Variants in POLE observed in about 807,000 individuals in gnomAD.
POLE encodes DNA polymerase epsilon, catalytic subunit, also known as DNA polymerase epsilon catalytic subunit A.
In POLE, 188 loss-of-function variants were observed where a neutral mutation model predicts 279.2. That is an observed-to-expected ratio of 0.67 (90% CI 0.60 to 0.76). The LOEUF (loss-of-function observed/expected upper bound fraction) is 0.76, where lower values mean the gene tolerates loss of function less well. Ranked by LOEUF, POLE falls within the 30% of genes least tolerant of loss-of-function variation. The pLI, the probability that POLE is intolerant of heterozygous loss-of-function variation, is 0.00. For missense variants in POLE, 2,703 were observed against 3,016.7 expected, an observed-to-expected ratio of 0.90 and a Z score of 2.44; for synonymous variants, 1,214 against 1,172.5, an observed-to-expected ratio of 1.04 and a Z score of -0.72.
At position 132,665,407 on chromosome 12, in the gene POLE, G is replaced by A. The variant is rs1060500813; in HGVS notation, c.2363C>T (p.Ala788Val). ...KLSAAVEVGD[A>V]AEVKRCKNME... ...GTTCTTGCAGCGCTTCACCTCAGCC[G>A]CGTCGCCCACCTCCACGGCCGCCGA... The change falls in exon 21 of 49, where the codon GCG (alanine) becomes GTG (valine). Residue 788 changes from alanine (A) to valine (V), a missense_variant. By Grantham distance (64) the Ala-to-Val change is moderately conservative. Around this residue, in one of 5 missense-constraint regions of POLE, gnomAD observed 1,011 missense variants for 1,111.7 expected, o/e 0.91. Transcript: ENST00000320574. 12 of 1,613,254 alleles carry A rather than the reference G, an allele frequency of 7.4e-6. No individual in the cohort carries two copies. Among genetic ancestry groups the A allele is most frequent in the East Asian group, 6.7e-5 (3 of 44,876 alleles).
At chr12:132,680,398 GA>G in intron 3 of POLE, 176 bp from the exon 4 acceptor site, 2 of 678,720 alleles carry the variant, frequency 2.9e-6, no homozygotes, top group Non-Finnish European at 5.2e-6. Context: ...GAATCTGAAA[GA>G]CACGCTACTT....
At position 132,675,682 on chromosome 12, in the gene POLE, C is replaced by G; in HGVS notation, c.1106+53G>C. 1 of 1,570,872 alleles carries G rather than the reference C, an allele frequency of 6.4e-7. No individual in the cohort carries two copies. The highest frequency in any genetic ancestry group is 8.8e-7 in the Non-Finnish European group (1 of 1,141,394). ...TGGGAAGCGCCCCTGCACCACGCAA[C>G]GCCCTCCCTCTCAAATGCTGCCCAG... On this transcript the variant is annotated intron_variant, in intron 11 of 48. Transcript: ENST00000320574. The surrounding 1 kb of genome is among the most constrained non-coding windows in gnomAD (Gnocchi z 4.3).
chr12:132,664,542 G>A lies in POLE; in HGVS notation c.2469-80C>T. 1 of 1,029,482 alleles carries A rather than the reference G, an allele frequency of 9.7e-7. No homozygotes were observed. Among genetic ancestry groups the A allele is most frequent in the Non-Finnish European group, 1.5e-6 (1 of 662,510 alleles). The allele number at this position is 1,029,482 out of a possible 1,614,324, so 63.8% of individuals were successfully genotyped here. ...ATCAGAGGCAGTGAGGAGTAGGGAG[G>A]AGGAAAGGAGAGATGCGACAGGGAC... On this transcript the variant is annotated intron_variant, in intron 21 of 48. Transcript: ENST00000320574. The surrounding 1 kb of genome is among the most constrained non-coding windows in gnomAD (Gnocchi z 5.3).
intron 32 of POLE, among the ~76,000 whole-genome samples, chr12:132,646,657 CCCCATCTCTACTAAAAAATACAAAATTAG>C (rs2138581560): frequency 6.6e-6 from 1 of 152,036 alleles, no homozygotes; most frequent in East Asian, 1.9e-4. Flanking sequence ...CACAGAGAAA[CCCCATCTCTACTAAAAAATACAAAATTAG>C]CCGGGCGTGG....
At chr12:132,648,663 C>G (rs993421161) in intron 32 of POLE, 36 of 388,524 alleles carry the variant, frequency 9.3e-5, no homozygotes, top group African/African-American at 7.1e-4. Context: ...AGTTCACAAT[C>G]TCTAACCAAT....
At chr12:132,628,053 C>G (rs1029398427) in intron 45 of POLE, among the ~76,000 whole-genome samples, 1 of 152,208 alleles carries the variant, frequency 6.6e-6, no homozygotes, top group Non-Finnish European at 1.5e-5. Context: ...TCTCAAGAAA[C>G]TACTTTTTGG....
Position 132,675,353 on chromosome 12 carries a change from GC to G in POLE, c.1226+44del, listed in dbSNP as rs760814175. 3.7e-6 allele frequency: 6 copies of G among 1,600,456 alleles called. No individual in the cohort carries two copies. In the African/African-American group the frequency reaches 8.0e-5, roughly 21 times the overall value. On this transcript the variant is annotated intron_variant, in intron 12 of 48. Transcript: ENST00000320574. This position sits in a 1 kb window ranked among gnomAD's most constrained non-coding sequence, Gnocchi z 4.3. ...AGTCTGCAAGAGGCCTTCAGATCTC[GC>G]TCACGGACAGCAGTGAGGAGCCATG...
chr12:132,635,444 ACCCACACAGAAGCTCCCATC>A (rs1043753471), intron 42 of POLE, among the ~76,000 whole-genome samples: 1 of 152,030 alleles, frequency 6.6e-6, no homozygotes, highest in Admixed American at 6.6e-5. Context: ...CTCCAACATC[ACCCACACAGAAGCTCCCATC>A]CCCACGAAAG....
intron 1 of POLE, among the ~76,000 whole-genome samples, chr12:132,684,966 G>A (rs373234744): frequency 2.1e-4 from 8 of 38,894 alleles, no homozygotes; most frequent in East Asian, 6.1e-4. Flanking sequence ...ACTGGTTACT[G>A]TATCACACCG....
intron 4 of POLE, 54 bp from the exon 5 acceptor site, chr12:132,680,100 T>C: frequency 2.5e-6 from 4 of 1,594,356 alleles, no homozygotes; most frequent in Non-Finnish European, 3.4e-6. Context: ...ATTTCCTTCC[T>C]TGCCTATTTC....
In POLE at chr12:132,649,518, G is replaced by T; in HGVS notation, c.3796-3C>A. ...CGGAGCCAGACAAGCCATTCCTCCTGGGATGGATGGTGAGCACAGCCAGTG... is the reference window on the plus strand; with the variant it reads ...CGGAGCCAGACAAGCCATTCCTCCTTGGATGGATGGTGAGCACAGCCAGTG... On this transcript the variant is annotated splice_polypyrimidine_tract_variant and splice_region_variant and intron_variant, in intron 30 of 48. Coordinates refer to ENST00000320574, the MANE Select transcript of POLE (RefSeq NM_006231.4). 3 of 1,612,272 alleles carry T rather than the reference G, an allele frequency of 1.9e-6. 1 individual carries two copies. The highest frequency in any genetic ancestry group is 2.5e-6 in the Non-Finnish European group (3 of 1,179,776).
intron 29 of POLE, among the ~76,000 whole-genome samples, chr12:132,656,608 T>C (rs1593764654): frequency 1.3e-5 from 2 of 152,326 alleles, no homozygotes; most frequent in East Asian, 3.9e-4. Context: ...TCTGCCCACC[T>C]AGGCCTCCCA....
At chr12:132,659,158 C>CCCCTTACCTCTCCGTGACAGGGCAG in intron 26 of POLE, 137 bp downstream of exon 26, 1 of 846,218 alleles carries the variant, frequency 1.2e-6, no homozygotes, top group Non-Finnish European at 1.8e-6. Flanking sequence ...CTGTAAGGAA[C>CCCCTTACCTCTCCGTGACAGGGCAG]CCCTTACCTC....
At chr12:132,626,385 AACCC>A in intron 45 of POLE, 68 bp from the exon 46 acceptor site, 7 of 1,472,278 alleles carry the variant, frequency 4.8e-6, no homozygotes, top group South Asian at 1.1e-5. Context: ...TCTGGACCAG[AACCC>A]TCTGGACCTT....
In POLE at chr12:132,639,140, T is replaced by C; in HGVS notation, c.5537A>G (p.Lys1846Arg). The C allele has an allele frequency of 6.2e-7, 1 of 1,614,164 alleles. No individual in the cohort carries two copies. The highest frequency in any genetic ancestry group is 8.5e-7 in the Non-Finnish European group (1 of 1,180,010). The change falls in exon 40 of 49, where the codon AAG becomes AGG. Residue 1846 changes from lysine to arginine, a missense_variant. Physicochemically the swap from Lys to Arg is conservative, Grantham distance 26 (BLOSUM62 2). Around this residue, in one of 5 missense-constraint regions of POLE, gnomAD observed 1,551 missense variants for 1,686.1 expected, o/e 0.92. Transcript: ENST00000320574. The surrounding 1 kb of genome is among the most constrained non-coding windows in gnomAD (Gnocchi z 4.7). ...ALHRTLHNMM[K>R]KLFLQLIAEF... ...GAGCACTCACTGCAGGAAGAGCTTC[T>C]TCATCATGTTGTGGAGTGTGCGGTG...
chr12:132,666,811 T>G (rs898879957), intron 20 of POLE, among the ~76,000 whole-genome samples: 14 of 152,144 alleles, frequency 9.2e-5, no homozygotes, highest in African/African-American at 3.4e-4. Context: ...TGCACAACAG[T>G]GCGAATATGC....
chr12:132,665,555 G>GA lies in POLE; in HGVS notation c.2320-106dup, dbSNP rs5744821. On this transcript the variant is annotated intron_variant, in intron 20 of 48. Transcript: ENST00000320574. ...TATTTTGAAAATTTTCAAATCTATA[G>GA]AAAACCTAAAAAACCAGTACAATGA... 3.7e-3 allele frequency: 4,881 copies of GA among 1,304,068 alleles called. 119 individuals carry two copies. The African/African-American group carries it at 0.057, about 15-fold the overall frequency. 80.8% of individuals were successfully genotyped at this position (1,304,068 alleles called of 1,614,324 possible).
At chr12:132,640,940 C>A (rs756978620) in intron 39 of POLE, 17 of 455,978 alleles carry the variant, frequency 3.7e-5, no homozygotes, top group Non-Finnish European at 6.6e-5. Flanking sequence ...TGCTCCCTCT[C>A]CCCTTTTGTA....
At chr12:132,626,580 G>A (rs1264949882) in intron 45 of POLE, among the ~76,000 whole-genome samples, 1 of 151,710 alleles carries the variant, frequency 6.6e-6, no homozygotes, top group Non-Finnish European at 1.5e-5. Flanking sequence ...TGAAGAGAGA[G>A]AGCACTCAAC....
Sources: allele counts gnomAD v4.1 joint callset (sites outside exome capture counted in the v4.1 genomes callset), GRCh38; gene constraint gnomAD v4.1.1; regional missense constraint gnomAD v4.1.1; non-coding constraint Gnocchi (gnomAD v3.1); transcripts MANE v1.5; gene names NCBI Gene and HGNC (gene_info 2026-07-23, HGNC 2026-07-21).